Variants in JPH2 observed in about 807,000 individuals in gnomAD.
The protein encoded by JPH2 is junctophilin-2.
Under a neutral mutation model 55.9 loss-of-function variants are expected in JPH2, and 38 were observed. The ratio of observed to expected loss-of-function variants is 0.68; its 90% CI spans 0.52 to 0.89. The LOEUF (loss-of-function observed/expected upper bound fraction) is 0.89. JPH2 is among the 40% of genes least tolerant of loss of function. JPH2 has a pLI of 0.00. For synonymous variants in JPH2, 480 were observed against 472.4 expected (o/e 1.02, Z -0.21); for missense variants, 964 against 1,037.6 (o/e 0.93, Z 0.97).
At chr20:44,144,830 G>T (rs562436811) in intron 2 of JPH2, among the ~76,000 whole-genome samples, 168 of 152,330 alleles carry the variant, frequency 1.1e-3, no homozygotes, top group African/African-American at 3.8e-3. Context: ...GTAGAGGCTG[G>T]CAGGCAGTGG....
intron 1 of JPH2, among the ~76,000 whole-genome samples, chr20:44,173,769 C>A (rs1023638626): frequency 3.9e-5 from 6 of 152,100 alleles, no homozygotes; most frequent in Non-Finnish European, 7.4e-5. Flanking sequence ...CAAAAATTAG[C>A]CTGGCGTGGT....
At chr20:44,181,780 C>T (rs2072785632) in intron 1 of JPH2, among the ~76,000 whole-genome samples, 2 of 152,156 alleles carry the variant, frequency 1.3e-5, no homozygotes, top group South Asian at 4.1e-4. Flanking sequence ...CTTCAGGAAG[C>T]CTCCCTGAAT....
At position 44,115,753 on chromosome 20, in the gene JPH2, TCA is replaced by T. The variant is rs1458071435; in HGVS notation, c.1920_1921del (p.Glu641GlyfsTer70). 10 of 1,613,090 alleles carry T rather than the reference TCA, an allele frequency of 6.2e-6. No homozygotes were observed. The highest frequency in any genetic ancestry group is 8.5e-6 in the Non-Finnish European group (10 of 1,179,964). ...CCCCGCCTTGGTCAGCCCTCGAGCC[TCA>T]GTCTTGCGGGCCTTGGCCCTGGGCT... On this transcript the variant is annotated frameshift_variant, in exon 4 of 6. Transcript: ENST00000372980. LOFTEE classifies it high-confidence loss of function.
At chr20:44,167,367 T>A (rs565900374) in intron 1 of JPH2, among the ~76,000 whole-genome samples, 1 of 152,320 alleles carries the variant, frequency 6.6e-6, no homozygotes, top group South Asian at 2.1e-4. Context: ...TCGGTAAGCA[T>A]CCGATGAATT....
chr20:44,112,906 T>A lies in JPH2; in HGVS notation c.*612A>T, dbSNP rs2072156745. ...GGTGGGAGGAGACAGAGCACTGTGTTCTGGGATATTCAAACTGACCTTGTC... is the reference window on the plus strand; with the variant it reads ...GGTGGGAGGAGACAGAGCACTGTGTACTGGGATATTCAAACTGACCTTGTC... On this transcript the variant is annotated 3_prime_UTR_variant, in exon 6 of 6. Coordinates refer to ENST00000372980, the MANE Select transcript of JPH2 (RefSeq NM_020433.5). The A allele has an allele frequency of 6.6e-6, 1 of 152,300 alleles. No homozygotes were observed. The highest frequency in any genetic ancestry group is 1.5e-5 in the Non-Finnish European group (1 of 68,154). The allele number at this position is 152,300 out of a possible 1,614,324, so 9.4% of individuals were successfully genotyped here.
In JPH2 at chr20:44,160,241, C is replaced by T. The variant is rs1367650645; in HGVS notation, c.546G>A (p.Ser182=). The change falls in exon 2 of 6, where the codon TCG becomes TCA. Residue 182 remains serine (S), a synonymous_variant. Coordinates refer to ENST00000372980, the MANE Select transcript of JPH2 (RefSeq NM_020433.5). This position sits in a 1 kb window ranked among gnomAD's most constrained non-coding sequence, Gnocchi z 4.9. ...GCAGCGCGGGGCCGTCGGAGGCCGG[C>T]GAGGCGGGAGAGTCCGGGGCCACCG... ...NGTVAPDSPA[S]PASDGPALPS... The T allele has an allele frequency of 7.3e-6, 11 of 1,500,970 alleles. No homozygotes were observed. Among genetic ancestry groups the T allele is most frequent in the Non-Finnish European group, 8.9e-6 (10 of 1,129,894 alleles). 93.0% of individuals were successfully genotyped at this position (1,500,970 alleles called of 1,614,324 possible). A position where few individuals can be genotyped will look rare whatever the true frequency, so the allele number is the denominator to read the frequency against.
At chr20:44,152,939 G>T (rs62204485) in intron 2 of JPH2, among the ~76,000 whole-genome samples, 17,207 of 152,298 alleles carry the variant, frequency 0.11, 1,360 homozygotes, top group East Asian at 0.29. Flanking sequence ...TTCAGAACTT[G>T]CTGTGATATT....
intron 1 of JPH2, among the ~76,000 whole-genome samples, chr20:44,184,147 A>ACCCTG (rs1410631982): frequency 6.6e-6 from 1 of 152,172 alleles, no homozygotes; most frequent in Non-Finnish European, 1.5e-5. Flanking sequence ...ACAGAGTAAG[A>ACCCTG]CCCTGTCTCA....
intron 2 of JPH2, among the ~76,000 whole-genome samples, chr20:44,122,084 C>T (rs1202423478): frequency 6.6e-6 from 1 of 152,186 alleles, no homozygotes; most frequent in Non-Finnish European, 1.5e-5. Flanking sequence ...GATCTAGAGT[C>T]TGTATCCTAA....
intron 2 of JPH2, among the ~76,000 whole-genome samples, chr20:44,139,881 T>A (rs1340250933): frequency 6.6e-6 from 1 of 151,258 alleles, no homozygotes; most frequent in Non-Finnish European, 1.5e-5. Context: ...AATGTATGAT[T>A]TTTTTTTTAA....
At chr20:44,126,724 T>G (rs2072279719) in intron 2 of JPH2, among the ~76,000 whole-genome samples, 1 of 152,220 alleles carries the variant, frequency 6.6e-6, no homozygotes, top group Non-Finnish European at 1.5e-5. Flanking sequence ...AAATGTGTGC[T>G]GAGCCCCTGC....
At chr20:44,155,036 C>G (rs2072555756) in intron 2 of JPH2, among the ~76,000 whole-genome samples, 2 of 152,070 alleles carry the variant, frequency 1.3e-5, no homozygotes, top group South Asian at 4.2e-4. Flanking sequence ...TGCAGGGGCA[C>G]AGGCATTGGC....
chr20:44,187,166 C>T lies in JPH2; in HGVS notation c.-461G>A. 5.2e-6 allele frequency: 1 copy of T among 190,570 alleles called. No homozygotes were observed. Among genetic ancestry groups the T allele is most frequent in the Admixed American group, 5.4e-5 (1 of 18,540 alleles). 11.8% of individuals were successfully genotyped at this position (190,570 alleles called of 1,614,324 possible). On this transcript the variant is annotated 5_prime_UTR_variant, in exon 1 of 6. Transcript: ENST00000372980. ...GCAGCCCGCTGGCCCCCTTCTCCACCCCAGTGGGTGTGCGGGGCTGTCGGT... is the reference window on the plus strand; with the variant it reads ...GCAGCCCGCTGGCCCCCTTCTCCACTCCAGTGGGTGTGCGGGGCTGTCGGT...
At chr20:44,179,769 A>G (rs771350279) in intron 1 of JPH2, among the ~76,000 whole-genome samples, 2 of 152,226 alleles carry the variant, frequency 1.3e-5, no homozygotes, top group Non-Finnish European at 2.9e-5. Flanking sequence ...ATATTACAAA[A>G]TGTTTAATGA....
chr20:44,174,214 T>G (rs2072717805), intron 1 of JPH2, among the ~76,000 whole-genome samples: 1 of 152,188 alleles, frequency 6.6e-6, no homozygotes, highest in Non-Finnish European at 1.5e-5. Context: ...TAGAGGGACC[T>G]GCCCAAGGCC....
chr20:44,156,589 C>G (rs6031422), intron 2 of JPH2, among the ~76,000 whole-genome samples: 2 of 152,060 alleles, frequency 1.3e-5, no homozygotes, highest in East Asian at 1.9e-4. Context: ...AATGGCACTT[C>G]GCACACTACA....
rs2072119709 is a variant in JPH2 at position 44,108,248 on chromosome 20, G to T, written c.*5270C>A. Among the ~76,000 whole-genome samples the T allele has an allele frequency of 2.0e-5, 3 of 152,168 alleles. No homozygotes were observed. The South Asian group carries it at 6.2e-4, about 31-fold the overall frequency. On this transcript the variant is annotated 3_prime_UTR_variant, in exon 6 of 6. Transcript: ENST00000372980. The stretch of plus-strand genomic sequence containing the variant: ...CGAGGACACGGGTGTTTAGCATTTG[G>T]AACCCTCCCAGATTCCTTCCTATGT...
intron 1 of JPH2, among the ~76,000 whole-genome samples, chr20:44,183,649 T>G (rs2072805766): frequency 6.6e-6 from 1 of 152,164 alleles, no homozygotes; most frequent in African/African-American, 2.4e-5. Context: ...CTGGCCACTG[T>G]CAAAAAGAGG....
At chr20:44,153,304 T>C (rs892758388) in intron 2 of JPH2, among the ~76,000 whole-genome samples, 3 of 152,204 alleles carry the variant, frequency 2.0e-5, no homozygotes, top group Non-Finnish European at 4.4e-5. Flanking sequence ...GAGGAGGTAA[T>C]ATAATTCCCA....
Sources: gnomAD v4.1 joint callset for allele counts (sites outside exome capture counted in the v4.1 genomes callset) on GRCh38, gnomAD v4.1.1 for gene constraint, Gnocchi (gnomAD v3.1) non-coding constraint, MANE v1.5 for transcripts, NCBI Gene and HGNC (gene_info 2026-07-23, HGNC 2026-07-21) for gene names.